The following TRPS1 variants were observed in gnomAD, a reference collection of about 807,000 sequenced individuals.
TRPS1 encodes the protein zinc finger transcription factor Trps1.
A neutral mutation model predicts 101.2 loss-of-function variants in TRPS1; 6 were observed. The ratio of observed to expected loss-of-function variants is 0.06; its 90% CI spans 0.03 to 0.12. The LOEUF is 0.12. TRPS1 is among the 10% of genes least tolerant of loss of function. TRPS1 has a pLI of 1.00. For synonymous variants in TRPS1, 578 were observed against 589.8 expected, an observed-to-expected ratio of 0.98 and a Z score of 0.29; for missense variants, 1,363 against 1,567.0, an observed-to-expected ratio of 0.87 and a Z score of 2.20.
intron 5 of TRPS1, among the ~76,000 whole-genome samples, chr8:115,504,565 C>T (rs1815395463): frequency 6.6e-6 from 1 of 152,138 alleles, no homozygotes; most frequent in Admixed American, 6.5e-5. Flanking sequence ...CCTTTAAACA[C>T]AGTTGTGTAT....
intron 5 of TRPS1, among the ~76,000 whole-genome samples, chr8:115,430,442 G>A (rs1813290806): frequency 1.4e-5 from 2 of 137,936 alleles, no homozygotes; most frequent in African/African-American, 5.8e-5. Flanking sequence ...CTGCCACTTT[G>A]GAGTGTGTGT....
chr8:115,532,383 A>G (rs1586371298), intron 5 of TRPS1, among the ~76,000 whole-genome samples: 1 of 152,182 alleles, frequency 6.6e-6, no homozygotes, highest in South Asian at 2.1e-4. Context: ...GTAAATTAAA[A>G]TCTACAAATA....
chr8:115,665,130 A>G (rs1439359155), intron 1 of TRPS1, among the ~76,000 whole-genome samples: 1 of 152,178 alleles, frequency 6.6e-6, no homozygotes, highest in East Asian at 1.9e-4. Context: ...TATTCATGTT[A>G]TGAAAAATGT....
intron 5 of TRPS1, among the ~76,000 whole-genome samples, chr8:115,563,243 G>T (rs1816990269): frequency 6.6e-6 from 1 of 151,882 alleles, no homozygotes. Flanking sequence ...GGTGTTCTTA[G>T]GAAGATTTTT....
At chr8:115,457,825 C>G (rs1186989669) in intron 5 of TRPS1, among the ~76,000 whole-genome samples, 2 of 152,080 alleles carry the variant, frequency 1.3e-5, no homozygotes, top group African/African-American at 4.8e-5. Flanking sequence ...GGTGGGTGGG[C>G]AGGTGTGCTG....
intron 5 of TRPS1, among the ~76,000 whole-genome samples, chr8:115,475,850 T>C (rs1266840512): frequency 6.6e-6 from 1 of 152,150 alleles, no homozygotes; most frequent in African/African-American, 2.4e-5. Flanking sequence ...ACATTTACCA[T>C]CTGTGATAAG....
At chr8:115,416,289 T>C (rs1812917290) in intron 6 of TRPS1, among the ~76,000 whole-genome samples, 1 of 151,862 alleles carries the variant, frequency 6.6e-6, no homozygotes, top group Non-Finnish European at 1.5e-5. Context: ...ATAAAAACTT[T>C]ACTTGCAGTT....
chr8:115,511,060 C>T (rs145543465), intron 5 of TRPS1: 1 of 151,816 alleles, frequency 6.6e-6, no homozygotes, highest in East Asian at 1.9e-4. Flanking sequence ...TCACTTCTTC[C>T]ACAGAGTATA....
chr8:115,550,863 A>AC (rs1055827665), intron 5 of TRPS1, among the ~76,000 whole-genome samples: 3 of 152,196 alleles, frequency 2.0e-5, no homozygotes, highest in Non-Finnish European at 2.9e-5. Flanking sequence ...CCATTGAGGG[A>AC]CTTCCTTCAG....
rs141161246 is a variant in TRPS1 at position 115,465,654 on chromosome 8, T to A, written c.2701-47202A>T. Among the ~76,000 whole-genome samples, 248 of 152,252 alleles carry A rather than the reference T, an allele frequency of 1.6e-3. 8 individuals carry two copies. The South Asian group carries it at 0.046, about 28-fold the overall frequency. ...TCTGAACACTTGAGAAGGAACTGAATCACTGCACTATTATCCTAGAGCAGA... is the reference window on the plus strand; with the variant it reads ...TCTGAACACTTGAGAAGGAACTGAAACACTGCACTATTATCCTAGAGCAGA... On this transcript the variant is annotated intron_variant, in intron 5 of 6. Transcript: ENST00000395715.
intron 5 of TRPS1, among the ~76,000 whole-genome samples, chr8:115,546,561 C>T (rs929692326): frequency 1.9e-3 from 63 of 33,334 alleles, no homozygotes; most frequent in Non-Finnish European, 1.4e-3. Flanking sequence ...ATAAATGTAA[C>T]TCTCTGGCAT....
intron 5 of TRPS1, among the ~76,000 whole-genome samples, chr8:115,547,428 T>C (rs1315158527): frequency 6.6e-6 from 1 of 152,134 alleles, no homozygotes; most frequent in African/African-American, 2.4e-5. Context: ...CAGTGAAGCA[T>C]GGGGTTTAAG....
At chr8:115,593,916 T>A (rs1049229794) in intron 4 of TRPS1, among the ~76,000 whole-genome samples, 10 of 152,232 alleles carry the variant, frequency 6.6e-5, no homozygotes, top group Admixed American at 6.5e-4. Context: ...CACATATGCC[T>A]CACTTTACAA....
intron 5 of TRPS1, among the ~76,000 whole-genome samples, chr8:115,573,425 CTTTT>C (rs961779404): frequency 6.6e-6 from 1 of 152,124 alleles, no homozygotes; most frequent in Non-Finnish European, 1.5e-5. Flanking sequence ...CTCAAAGCCT[CTTTT>C]TTGTCACCCG....
At chr8:115,559,509 T>C (rs1392715878) in intron 5 of TRPS1, among the ~76,000 whole-genome samples, 4 of 152,094 alleles carry the variant, frequency 2.6e-5, no homozygotes, top group Admixed American at 6.6e-5. Flanking sequence ...TGTTCAGATA[T>C]ACACAGAAGA....
intron 4 of TRPS1, among the ~76,000 whole-genome samples, chr8:115,596,693 C>T (rs145149850): frequency 9.9e-5 from 15 of 151,672 alleles, no homozygotes; most frequent in African/African-American, 3.4e-4. Flanking sequence ...TACATATATA[C>T]ATATATCTAT....
rs1817979600 is a variant in TRPS1, at chr8:115,604,320, C to A, written c.1649G>T (p.Gly550Val). 1 of 1,613,932 alleles carries A rather than the reference C, an allele frequency of 6.2e-7. No individual in the cohort carries two copies. The highest frequency in any genetic ancestry group is 1.7e-5 in the Admixed American group (1 of 59,974). Residue 550 changes from glycine (G) to valine (V), a missense_variant, in exon 4 of 7, where the codon GGC becomes GTC. Gly to Val is a moderately radical substitution (Grantham distance 109). This residue lies in a region of TRPS1 where 1,020 missense variants were observed against 1,073.0 expected (regional missense o/e 0.95). Coordinates refer to ENST00000395715, the MANE Select transcript of TRPS1 (RefSeq NM_014112.5). The surrounding 1 kb of genome is among the most constrained non-coding windows in gnomAD (Gnocchi z 4.1). ...TGGCCCCACTACAATTACATCAGGG[C>A]CATGGCTTTTGGAATATCGGAAGTC... is the stretch of plus-strand genomic sequence containing the variant. ...FCDFRYSKSHGPDVIVVGPLL... is the reference protein window; with the variant it reads ...FCDFRYSKSHVPDVIVVGPLL...
chr8:115,545,915 C>A (rs1816559381), intron 5 of TRPS1, among the ~76,000 whole-genome samples: 1 of 152,046 alleles, frequency 6.6e-6, no homozygotes, highest in South Asian at 2.1e-4. Flanking sequence ...AATTTTAATT[C>A]TTTTATCTAA....
intron 5 of TRPS1, among the ~76,000 whole-genome samples, chr8:115,555,484 T>C (rs2130352531): frequency 6.6e-6 from 1 of 152,312 alleles, no homozygotes; most frequent in African/African-American, 2.4e-5. Flanking sequence ...TTCTATGGAT[T>C]TTAGAAAACA....
Sources: gnomAD v4.1 joint callset for allele counts (sites outside exome capture counted in the v4.1 genomes callset) on GRCh38, gnomAD v4.1.1 for gene constraint, gnomAD v4.1.1 regional missense constraint, Gnocchi (gnomAD v3.1) non-coding constraint, MANE v1.5 for transcripts, NCBI Gene and HGNC (gene_info 2026-07-23, HGNC 2026-07-21) for gene names.